Variants in TTN observed in about 807,000 individuals in gnomAD.
The protein encoded by TTN is connectin.
A neutral mutation model predicts 3,223.0 loss-of-function variants in TTN; 1,525 were observed. The observed-to-expected ratio is 0.47, with a 90% confidence interval of 0.45 to 0.49. The LOEUF (loss-of-function observed/expected upper bound fraction) is 0.49. Ranked by LOEUF, TTN falls within the 20% of genes least tolerant of loss-of-function variation. The pLI is 0.00. For missense variants in TTN, 40,786 were observed against 43,424.0 expected, an observed-to-expected ratio of 0.94 and a Z score of 5.40; for synonymous variants, 14,094 against 15,161.0, an observed-to-expected ratio of 0.93 and a Z score of 5.17.
rs748631385 is a variant in TTN, at chr2:178,563,766, AG to A, written c.82365del (p.Leu27456TrpfsTer32). Reference sequence around the variant, plus strand: ...CAGGCCGTAACAGGCCCAGATTCCAAGGGCTCTCCAATTCCATATTTATTCA... The same window carrying A: ...CAGGCCGTAACAGGCCCAGATTCCAAGGCTCTCCAATTCCATATTTATTCA... The part of the protein sequence containing the change: ...MAVNKYGIGE[P>X]LESGPVTACN... On this transcript the variant is annotated frameshift_variant, in exon 326 of 363. Coordinates refer to ENST00000589042, the MANE Select transcript of TTN (RefSeq NM_001267550.2). LOFTEE classifies it high-confidence loss of function. This position sits in a 1 kb window ranked among gnomAD's most constrained non-coding sequence, Gnocchi z 4.5. The A allele has an allele frequency of 6.2e-7, 1 of 1,613,714 alleles. No individual in the cohort carries two copies. Among genetic ancestry groups the A allele is most frequent in the Non-Finnish European group, 8.5e-7 (1 of 1,179,740 alleles).
Position 178,665,270 on chromosome 2 carries a change from T to G in TTN, c.36043+107A>C, listed in dbSNP as rs191027478. On this transcript the variant is annotated intron_variant, in intron 165 of 362. Coordinates refer to ENST00000589042, the MANE Select transcript of TTN (RefSeq NM_001267550.2). The stretch of plus-strand genomic sequence containing the variant: ...GGAACCTCAGACACTTAAAAGATAT[T>G]AGTATGTTTATATTTAGAATTTATG... 458 of 1,086,874 alleles carry G rather than the reference T, an allele frequency of 4.2e-4. No individual in the cohort carries two copies. The African/African-American group carries it at 5.9e-3, about 14-fold the overall frequency. The allele number at this position is 1,086,874 out of a possible 1,614,324, so 67.3% of individuals were successfully genotyped here. A position where few individuals can be genotyped will look rare whatever the true frequency, so the allele number is the denominator to read the frequency against.
At chr2:178,550,685 C>A in intron 336 of TTN, 1 of 450,746 alleles carries the variant, frequency 2.2e-6, no homozygotes, top group Middle Eastern at 5.9e-4. Flanking sequence ...TCTCGAGAAC[C>A]TTTTCTTTAT....
chr2:178,800,036 A>G (rs2093982183), intron 4 of TTN, 126 bp from the exon 5 acceptor site: 2 of 1,072,056 alleles, frequency 1.9e-6, no homozygotes, highest in African/African-American at 3.2e-5. Flanking sequence ...AATTGCAGAA[A>G]GTTTTGGATT....
In TTN at chr2:178,542,106, G is replaced by T. The variant is rs1173635745; in HGVS notation, c.97492+158C>A. On this transcript the variant is annotated intron_variant, in intron 349 of 362. Coordinates refer to ENST00000589042, the MANE Select transcript of TTN (RefSeq NM_001267550.2). ...AAAACCTCTGAGAAAAGGAGGTTTAGAAACCTGAGAAAAGGAGGTTTAGAA... is the reference window on the plus strand; with the variant it reads ...AAAACCTCTGAGAAAAGGAGGTTTATAAACCTGAGAAAAGGAGGTTTAGAA... 20 of 700,254 alleles carry T rather than the reference G, an allele frequency of 2.9e-5. No homozygotes were observed. The East Asian group carries it at 5.1e-4, about 18-fold the overall frequency. The allele number at this position is 700,254 out of a possible 1,614,324, so 43.4% of individuals were successfully genotyped here.
chr2:178,768,220 T>C (rs1266201057), intron 38 of TTN, 65 bp from the exon 39 acceptor site: 1 of 1,538,990 alleles, frequency 6.5e-7, no homozygotes, highest in Non-Finnish European at 8.9e-7. Flanking sequence ...ATTCACATAC[T>C]GTACAATCCA....
chr2:178,727,622 A>G lies in TTN; in HGVS notation c.19956T>C (p.Val6652=). The change falls in exon 68 of 363, where the codon GTT becomes GTC. Residue 6652 remains valine (V), a synonymous_variant. Transcript: ENST00000589042. ...GQYTCHVTND[V]GSDSCTTMLL... The stretch of plus-strand genomic sequence containing the variant: ...ACATCGTAGTACAAGAGTCGCTACC[A>G]ACATCATTGGTAACATGGCAAGTAT... 1 of 1,598,082 alleles carries G rather than the reference A, an allele frequency of 6.3e-7. No homozygotes were observed. The highest frequency in any genetic ancestry group is 8.5e-7 in the Non-Finnish European group (1 of 1,172,228).
At chr2:178,743,189 G>A (rs958441953) in intron 47 of TTN, among the ~76,000 whole-genome samples, 1 of 151,868 alleles carries the variant, frequency 6.6e-6, no homozygotes, top group Admixed American at 6.6e-5. Flanking sequence ...TTCAAGCCAT[G>A]GTATTATTAG....
chr2:178,649,619 G>A lies in TTN; in HGVS notation c.39908C>T (p.Pro13303Leu), dbSNP rs573342276. The A allele has an allele frequency of 3.2e-5, 49 of 1,550,230 alleles. No individual in the cohort carries two copies. The African/African-American group carries it at 6.4e-4, about 20-fold the overall frequency. Reference sequence around the variant, plus strand: ...CTTCTTCACTGGAACAACTTTCTTTGGCATCTCAGGTTCTTTAAAGATATC... The same window carrying A: ...CTTCTTCACTGGAACAACTTTCTTTAGCATCTCAGGTTCTTTAAAGATATC... ...EAPPPKEPEM[P>L]KKVVPVKKVP... Residue 13303 changes from proline (P) to leucine (L), a missense_variant, in exon 212 of 363, where the codon CCA becomes CTA. Pro to Leu is a moderately conservative substitution (Grantham distance 98). Coordinates refer to ENST00000589042, the MANE Select transcript of TTN (RefSeq NM_001267550.2).
chr2:178,671,838 G>A (rs2067042986), intron 155 of TTN, 133 bp downstream of exon 155: 1 of 882,650 alleles, frequency 1.1e-6, no homozygotes, highest in Admixed American at 2.9e-5. Flanking sequence ...TAATCTTTGT[G>A]TCAACTAGTT....
Position 178,611,279 on chromosome 2 carries a change from A to T in TTN, c.50858-8T>A. On this transcript the variant is annotated splice_polypyrimidine_tract_variant and splice_region_variant and intron_variant, in intron 269 of 362. Coordinates refer to ENST00000589042, the MANE Select transcript of TTN (RefSeq NM_001267550.2). ...GGTCAATTGTTGGCTTGCCTGTAAG[A>T]TATCATTCAAAAGAGCAAAAAACAG... 1 of 1,611,344 alleles carries T rather than the reference A, an allele frequency of 6.2e-7. No individual in the cohort carries two copies. Among genetic ancestry groups the T allele is most frequent in the Middle Eastern group, 1.7e-4 (1 of 6,042 alleles).
At position 178,729,409 on chromosome 2, in the gene TTN, G is replaced by A. The variant is rs774843545; in HGVS notation, c.18747C>T (p.Asp6249=). 1.2e-6 allele frequency: 2 copies of A among 1,613,630 alleles called. No homozygotes were observed. Among genetic ancestry groups the A allele is most frequent in the Non-Finnish European group, 1.7e-6 (2 of 1,179,674 alleles). ...IRSSKKYTLT[D]RVSVFNLHIT... ...TATGGAGGTTAAACACAGACACTCT[G>A]TCGGTCAATGTGTATTTTTTGCTGC... Residue 6249 remains aspartate (D), a synonymous_variant, in exon 64 of 363, where the codon GAC becomes GAT. Transcript: ENST00000589042.
At chr2:178,622,645 A>G in intron 243 of TTN, 25 bp downstream of exon 243, 1 of 1,565,234 alleles carries the variant, frequency 6.4e-7, no homozygotes, top group Non-Finnish European at 8.7e-7. Context: ...TGACAGTACA[A>G]GATGACAGGT....
In TTN at chr2:178,534,196, C is replaced by T; in HGVS notation, c.102419G>A (p.Gly34140Glu). ...TTCACCAACTGCATGCATTATCTGC[C>T]CAGAAACTGGGCCAATTTCAATGGA... ...VASIEIGPVS[G>E]QIMHAVGEEG... Residue 34140 changes from glycine to glutamate, a missense_variant, in exon 358 of 363, where the codon GGG becomes GAG. Gly to Glu is a moderately conservative substitution (Grantham distance 98). Coordinates refer to ENST00000589042, the MANE Select transcript of TTN (RefSeq NM_001267550.2). The T allele has an allele frequency of 6.2e-7, 1 of 1,613,890 alleles. No individual in the cohort carries two copies. Among genetic ancestry groups the T allele is most frequent in the South Asian group, 1.1e-5 (1 of 91,082 alleles).
rs764388038 is a variant in TTN at position 178,573,073 on chromosome 2, T to C, written c.73059A>G (p.Ser24353=). ...AWNKPIYDGG[S]EITGYMVEIA... The stretch of plus-strand genomic sequence containing the variant: ...TCTCAACCATATACCCAGTGATTTC[T>C]GAACCACCATCATAGATAGGTTTAT... Residue 24353 remains serine (S), a synonymous_variant, in exon 326 of 363, where the codon TCA becomes TCG. Transcript: ENST00000589042. 3.7e-6 allele frequency: 6 copies of C among 1,613,330 alleles called. No individual in the cohort carries two copies. The Admixed American group carries it at 1.0e-4, about 27-fold the overall frequency.
intron 219 of TTN, 59 bp downstream of exon 219, chr2:178,642,178 T>C: frequency 7.1e-7 from 1 of 1,414,984 alleles, no homozygotes; most frequent in Non-Finnish European, 9.5e-7. Context: ...TTTTGTAAGC[T>C]TTCAAGTTCA....
At chr2:178,797,386 T>A (rs1381802955) in intron 6 of TTN, among the ~76,000 whole-genome samples, 1 of 152,142 alleles carries the variant, frequency 6.6e-6, no homozygotes, top group African/African-American at 2.4e-5. Flanking sequence ...TTCACATGTT[T>A]ATTGGACTTT....
intron 90 of TTN, among the ~76,000 whole-genome samples, 187 bp from the exon 91 acceptor site, chr2:178,714,760 C>T (rs2077210069): frequency 6.6e-6 from 1 of 152,146 alleles, no homozygotes; most frequent in African/African-American, 2.4e-5. Context: ...ATCTCATCTA[C>T]TCCAGCTTTC....
Position 178,570,792 on chromosome 2 carries a change from C to G in TTN, c.75340G>C (p.Asp25114His), listed in dbSNP as rs373701934. The G allele has an allele frequency of 1.2e-6, 2 of 1,613,450 alleles. No homozygotes were observed. Among genetic ancestry groups the G allele is most frequent in the Non-Finnish European group, 1.7e-6 (2 of 1,179,628 alleles). The part of the protein sequence containing the change: ...DEVDPPRISM[D>H]PKYKDTIVVH... ...ACGATTGTGTCTTTGTATTTTGGAT[C>G]CATACTTATTCGTGGTGGATCTACC... The change falls in exon 326 of 363, where the codon GAT (aspartate) becomes CAT (histidine). Residue 25114 changes from aspartate (D) to histidine (H), a missense_variant. Transcript: ENST00000589042.
chr2:178,738,500 G>C, intron 48 of TTN, 140 bp from the exon 49 acceptor site: 1 of 1,046,132 alleles, frequency 9.6e-7, no homozygotes, highest in South Asian at 2.4e-5. Flanking sequence ...TAAGGCAAGT[G>C]ACTGGAAAAT....
Sources: gnomAD v4.1 joint callset for allele counts (sites outside exome capture counted in the v4.1 genomes callset) on GRCh38, gnomAD v4.1.1 for gene constraint, Gnocchi (gnomAD v3.1) non-coding constraint, MANE v1.5 for transcripts, NCBI Gene and HGNC (gene_info 2026-07-23, HGNC 2026-07-21) for gene names.